GLRA2: variants seen among roughly 807,000 people sequenced by gnomAD.
The protein encoded by GLRA2 is glycine receptor subunit alpha-2.
GLRA2 carries 11 observed loss-of-function variants against 31.6 expected under a neutral mutation model. The observed-to-expected ratio is 0.35, with a 90% CI of 0.22 to 0.58. The LOEUF (loss-of-function observed/expected upper bound fraction) is 0.58, where lower values mean the gene tolerates loss of function less well. GLRA2 is among the 20% of genes least tolerant of loss of function. GLRA2 has a pLI of 0.84. For synonymous variants in GLRA2, 132 were observed against 134.0 expected (o/e 0.99, Z 0.10); for missense variants, 212 against 351.8 (o/e 0.60, Z 3.18).
At chrX:14,592,441 G>T (rs1008338471) in intron 4 of GLRA2, among the ~76,000 whole-genome samples, 2 of 111,010 alleles carry the variant, frequency 1.8e-5, no homozygotes, top group Admixed American at 9.6e-5. Context: ...AGGCTGAGGA[G>T]GGTGTATCAC....
the GLRA2 span, among the ~76,000 whole-genome samples, chrX:14,458,857 G>A: frequency 2.7e-5 from 3 of 111,769 alleles, no homozygotes; most frequent in African/African-American, 9.8e-5. Flanking sequence ...CTTTTGCTGT[G>A]CAGAAGCTCT....
intron 7 of GLRA2, among the ~76,000 whole-genome samples, chrX:14,619,462 C>T (rs984576656): frequency 9.0e-5 from 10 of 111,194 alleles, no homozygotes; most frequent in African/African-American, 2.9e-4. Context: ...GCTTCAGGCA[C>T]ACTGACCTTC....
chrX:14,658,410 T>C (rs1203976617), intron 7 of GLRA2, among the ~76,000 whole-genome samples: 1 of 111,537 alleles, frequency 9.0e-6, no homozygotes, highest in Admixed American at 9.6e-5. Context: ...AGAAAGATAA[T>C]AGTATTCATA....
chrX:14,600,284 G>A (rs1051048731), intron 4 of GLRA2, among the ~76,000 whole-genome samples: 1 of 111,454 alleles, frequency 9.0e-6, no homozygotes, highest in Admixed American at 9.5e-5. Flanking sequence ...AATTCAGCAA[G>A]CCTATGATTA....
the GLRA2 span, among the ~76,000 whole-genome samples, chrX:14,493,935 A>C: frequency 1.8e-5 from 2 of 108,962 alleles, no homozygotes; most frequent in African/African-American, 6.7e-5. Flanking sequence ...CTAACCAAAT[A>C]ACCACCAATA....
chrX:14,461,399 A>G, the GLRA2 span, among the ~76,000 whole-genome samples: 15 of 111,583 alleles, frequency 1.3e-4, no homozygotes, highest in African/African-American at 4.9e-4. Flanking sequence ...CGTCCTGGAT[A>G]TCCTCTTAAT....
the GLRA2 span, among the ~76,000 whole-genome samples, chrX:14,511,860 A>G: frequency 2.7e-5 from 3 of 111,666 alleles, no homozygotes; most frequent in African/African-American, 9.8e-5. Flanking sequence ...TCAAGAAGAA[A>G]AGTGGTATTA....
intron 7 of GLRA2, among the ~76,000 whole-genome samples, chrX:14,678,817 TCTCA>T (rs774028265): frequency 3.6e-5 from 4 of 111,088 alleles, no homozygotes; most frequent in Non-Finnish European, 5.7e-5. Context: ...AAAATTTCCT[TCTCA>T]CTCACATTAA....
the GLRA2 span, among the ~76,000 whole-genome samples, chrX:14,483,733 C>T: frequency 3.6e-5 from 4 of 111,849 alleles, no homozygotes; most frequent in Non-Finnish European, 7.5e-5. Flanking sequence ...TACTGAGTGT[C>T]AACTTGATTG....
chrX:14,519,759 T>C, the GLRA2 span, among the ~76,000 whole-genome samples: 4 of 112,042 alleles, frequency 3.6e-5, no homozygotes, highest in Admixed American at 9.5e-5. Flanking sequence ...TTTCATAATA[T>C]TTATTTTCCT....
chrX:14,669,618 G>T (rs975976355), intron 7 of GLRA2, among the ~76,000 whole-genome samples: 1 of 112,093 alleles, frequency 8.9e-6, no homozygotes, highest in Admixed American at 9.4e-5. Flanking sequence ...CAAGGCTTGA[G>T]GCTTGCACCC....
At chrX:14,730,103 C>T (rs1601909941) in intron 8 of GLRA2, 104 bp from the exon 9 acceptor site, 5 of 595,060 alleles carry the variant, frequency 8.4e-6, no homozygotes, top group Non-Finnish European at 1.1e-5. Flanking sequence ...TCCCACACCA[C>T]CAGTTAACTG....
At chrX:14,514,893 T>A in the GLRA2 span, among the ~76,000 whole-genome samples, 3 of 111,164 alleles carry the variant, frequency 2.7e-5, no homozygotes, top group Admixed American at 9.6e-5. Context: ...AATCTCATTT[T>A]TTGCCTTAAA....
At chrX:14,520,790 G>T in the GLRA2 span, among the ~76,000 whole-genome samples, 3 of 112,623 alleles carry the variant, frequency 2.7e-5, no homozygotes, top group African/African-American at 9.7e-5. Context: ...GAGAGTAAAT[G>T]CAGAGTGACA....
intron 2 of GLRA2, among the ~76,000 whole-genome samples, chrX:14,551,970 C>T (rs968438588): frequency 4.5e-5 from 5 of 112,153 alleles, no homozygotes; most frequent in Non-Finnish European, 9.4e-5. Context: ...TTGTTCTTTT[C>T]TTAAGCAGAG....
intron 2 of GLRA2, among the ~76,000 whole-genome samples, chrX:14,568,709 AGAAAAG>A (rs1569497769): frequency 1.0e-5 from 1 of 98,724 alleles, no homozygotes; most frequent in African/African-American, 3.8e-5. Context: ...AAAAAAAAAA[AGAAAAG>A]AAAAAAAAGA....
At chrX:14,577,468 G>C (rs1478981489) in intron 3 of GLRA2, among the ~76,000 whole-genome samples, 2 of 112,592 alleles carry the variant, frequency 1.8e-5, no homozygotes, top group African/African-American at 6.5e-5. Context: ...GTCTTAATTA[G>C]CTCAGGCTGT....
chrX:14,622,139 T>G (rs1194620174), intron 7 of GLRA2, among the ~76,000 whole-genome samples: 2 of 112,401 alleles, frequency 1.8e-5, no homozygotes, highest in African/African-American at 3.2e-5. Flanking sequence ...TCATGTGTCT[T>G]TTGGCTGCAT....
chrX:14,493,586 CACATATAT>C, the GLRA2 span, among the ~76,000 whole-genome samples: 16 of 100,420 alleles, frequency 1.6e-4, no homozygotes, highest in Non-Finnish European at 2.0e-4. Flanking sequence ...TACATATATA[CACATATAT>C]ACATATATAC....
Sources: gnomAD v4.1 joint callset for allele counts (sites outside exome capture counted in the v4.1 genomes callset) on GRCh38, gnomAD v4.1.1 for gene constraint, MANE v1.5 for transcripts, NCBI Gene and HGNC (gene_info 2026-07-23, HGNC 2026-07-21) for gene names.